Variants in ICA1L observed in about 807,000 individuals in gnomAD.
ICA1L encodes islet cell autoantigen 1-like protein.
In ICA1L, 50 loss-of-function variants were observed where a neutral mutation model predicts 61.3. The ratio of observed to expected loss-of-function variants is 0.82; its 90% CI spans 0.65 to 1.03. ICA1L has a LOEUF of 1.03. Among genes scored for constraint, ICA1L ranks in the 50% least tolerant of loss-of-function variants. The pLI is 0.00. For missense variants in ICA1L, 508 were observed against 556.7 expected (o/e 0.91, Z 0.88); for synonymous variants, 161 against 191.3 (o/e 0.84, Z 1.31).
chr2:202,813,692 C>T (rs1693445318), intron 8 of ICA1L, among the ~76,000 whole-genome samples: 1 of 152,122 alleles, frequency 6.6e-6, no homozygotes, highest in South Asian at 2.1e-4. Flanking sequence ...CTGTTTGGCC[C>T]TTATTTCTGA....
At chr2:202,783,911 G>A (rs540820475) in intron 12 of ICA1L, among the ~76,000 whole-genome samples, 1 of 150,556 alleles carries the variant, frequency 6.6e-6, no homozygotes, top group South Asian at 2.2e-4. Context: ...TGATGGGGGG[G>A]TGGGGAAGAA....
intron 1 of ICA1L, among the ~76,000 whole-genome samples, chr2:202,836,197 C>T (rs1694143893): frequency 2.0e-5 from 3 of 152,136 alleles, no homozygotes; most frequent in Admixed American, 1.3e-4. Context: ...TCTTTCTCTA[C>T]CTCATTTGTT....
At chr2:202,795,119 G>A (rs1223219488) in intron 10 of ICA1L, among the ~76,000 whole-genome samples, 3 of 135,076 alleles carry the variant, frequency 2.2e-5, no homozygotes, top group African/African-American at 8.4e-5. Context: ...AGCCTCCCGA[G>A]TAGCTGGGAC....
chr2:202,838,659 CATTAT>C (rs922072635), intron 1 of ICA1L, among the ~76,000 whole-genome samples: 2 of 152,152 alleles, frequency 1.3e-5, no homozygotes, highest in African/African-American at 2.4e-5. Context: ...GATCCCTTTT[CATTAT>C]ATAATAATTG....
chr2:202,797,079 C>T, intron 9 of ICA1L, 115 bp from the exon 10 acceptor site: 2 of 569,828 alleles, frequency 3.5e-6, no homozygotes, highest in Non-Finnish European at 6.1e-6. Flanking sequence ...GAATCGAAAA[C>T]ATACAAAAGG....
chr2:202,807,793 T>C (rs934333865), intron 9 of ICA1L, among the ~76,000 whole-genome samples: 3 of 152,032 alleles, frequency 2.0e-5, no homozygotes, highest in Admixed American at 6.6e-5. Context: ...CACAGTAGGA[T>C]AGGGGACAAG....
intron 8 of ICA1L, among the ~76,000 whole-genome samples, chr2:202,814,289 A>T (rs1693468432): frequency 6.6e-6 from 1 of 152,038 alleles, no homozygotes; most frequent in Non-Finnish European, 1.5e-5. Flanking sequence ...GTAATGAGTG[A>T]GTTCTCACTC....
chr2:202,817,851 G>A (rs1488769555), intron 5 of ICA1L, among the ~76,000 whole-genome samples: 1 of 152,110 alleles, frequency 6.6e-6, no homozygotes, highest in Non-Finnish European at 1.5e-5. Flanking sequence ...AACTATTCAT[G>A]GATAGCACTT....
chr2:202,837,593 TC>T (rs1201169516), intron 1 of ICA1L, among the ~76,000 whole-genome samples: 42 of 152,216 alleles, frequency 2.8e-4, no homozygotes, highest in African/African-American at 9.9e-4. Flanking sequence ...AACCAGCTCT[TC>T]TTTTAATCTT....
intron 2 of ICA1L, among the ~76,000 whole-genome samples, chr2:202,827,271 G>A (rs1693871811): frequency 6.6e-6 from 1 of 152,052 alleles, no homozygotes; most frequent in African/African-American, 2.4e-5. Context: ...GCAGGCTCCT[G>A]TAATCCCAGC....
In ICA1L at chr2:202,773,806, T is replaced by C; in HGVS notation, c.*5727A>G. On this transcript the variant is annotated 3_prime_UTR_variant, in exon 13 of 13. Transcript: ENST00000358299. The stretch of plus-strand genomic sequence containing the variant: ...GGTATGGTAATAGGCAAGAGCAGGC[T>C]GTAAAAGCAAAGGCTAGCTGTGCAA... 2 of 1,396,990 alleles carry C rather than the reference T, an allele frequency of 1.4e-6. No individual in the cohort carries two copies. The highest frequency in any genetic ancestry group is 2.0e-6 in the Non-Finnish European group (2 of 985,054). The allele number at this position is 1,396,990 out of a possible 1,614,324, so 86.5% of individuals were successfully genotyped here. A position where few individuals can be genotyped will look rare whatever the true frequency, so the allele number is the denominator to read the frequency against.
At chr2:202,841,360 C>T (rs1446051866) in intron 1 of ICA1L, 8 of 850,848 alleles carry the variant, frequency 9.4e-6, no homozygotes, top group Admixed American at 5.1e-5. Flanking sequence ...ATGTAGCTCT[C>T]GAACATGTTG....
chr2:202,864,975 C>T (rs1239241982), intron 1 of ICA1L, among the ~76,000 whole-genome samples: 1 of 151,770 alleles, frequency 6.6e-6, no homozygotes, highest in African/African-American at 2.4e-5. Context: ...ATCAGCCTGG[C>T]CAACAGAGAA....
At position 202,852,479 on chromosome 2, in the gene ICA1L, G is replaced by C. The variant is rs554214384; in HGVS notation, c.-8+19140C>G. Among the ~76,000 whole-genome samples the C allele has an allele frequency of 2.6e-4, 40 of 151,750 alleles. No individual in the cohort carries two copies. In the South Asian group the frequency reaches 7.9e-3, roughly 30 times the overall value. Reference sequence around the variant, plus strand: ...AGGTCAGGAGATCGAGACCATCCTGGCTAACATGGTGAAACCCTGTCTCTA... The same window carrying C: ...AGGTCAGGAGATCGAGACCATCCTGCCTAACATGGTGAAACCCTGTCTCTA... On this transcript the variant is annotated intron_variant, in intron 1 of 12. Transcript: ENST00000358299.
At chr2:202,842,344 C>G (rs1387828261) in intron 1 of ICA1L, among the ~76,000 whole-genome samples, 1 of 152,216 alleles carries the variant, frequency 6.6e-6, no homozygotes, top group East Asian at 1.9e-4. Context: ...TAAGACACAT[C>G]TGGTGGTGAT....
chr2:202,822,363 T>G (rs906998950), intron 3 of ICA1L, among the ~76,000 whole-genome samples: 1 of 152,110 alleles, frequency 6.6e-6, no homozygotes, highest in African/African-American at 2.4e-5. Flanking sequence ...AGGGTCTCAC[T>G]ATGTTGACCA....
At chr2:202,847,922 C>T (rs1455720320) in intron 1 of ICA1L, among the ~76,000 whole-genome samples, 1 of 151,980 alleles carries the variant, frequency 6.6e-6, no homozygotes, top group Non-Finnish European at 1.5e-5. Context: ...AAAATCATGT[C>T]CTTTGCAGCA....
chr2:202,857,810 AG>A (rs1199944890), intron 1 of ICA1L, among the ~76,000 whole-genome samples: 7 of 152,252 alleles, frequency 4.6e-5, no homozygotes, highest in African/African-American at 1.7e-4. Context: ...AAGTGGGCAA[AG>A]GATGTGAACA....
intron 10 of ICA1L, among the ~76,000 whole-genome samples, chr2:202,794,325 GAC>G (rs370890011): frequency 2.9e-4 from 37 of 126,018 alleles, no homozygotes; most frequent in African/African-American, 8.5e-4. Flanking sequence ...CTGCCTGCGC[GAC>G]ACAGTGAGAC....
Sources: gnomAD v4.1 joint callset for allele counts (sites outside exome capture counted in the v4.1 genomes callset) on GRCh38, gnomAD v4.1.1 for gene constraint, MANE v1.5 for transcripts, NCBI Gene and HGNC (gene_info 2026-07-23, HGNC 2026-07-21) for gene names.